SYT1: variants seen among roughly 807,000 people sequenced by gnomAD.
SYT1 encodes synaptotagmin-1.
SYT1 carries 8 observed loss-of-function variants against 44.8 expected under a neutral mutation model. The observed-to-expected ratio is 0.18, with a 90% CI of 0.10 to 0.32. SYT1 has a LOEUF of 0.32. Among genes scored for constraint, SYT1 ranks in the 10% least tolerant of loss-of-function variants. SYT1 has a pLI of 1.00. For synonymous variants in SYT1, 154 were observed against 188.8 expected, an observed-to-expected ratio of 0.82 and a Z score of 1.51; for missense variants, 286 against 509.3, an observed-to-expected ratio of 0.56 and a Z score of 4.22.
At chr12:79,345,443 T>C (rs1201809508) in intron 8 of SYT1, among the ~76,000 whole-genome samples, 2 of 152,208 alleles carry the variant, frequency 1.3e-5, no homozygotes, top group African/African-American at 2.4e-5. Flanking sequence ...GACTAGAACC[T>C]AGAAGAGTCT....
intron 4 of SYT1, among the ~76,000 whole-genome samples, chr12:79,252,810 T>G (rs1268221091): frequency 6.6e-6 from 1 of 152,210 alleles, no homozygotes; most frequent in African/African-American, 2.4e-5. Context: ...TACAGCCACC[T>G]TACACAATAA....
At chr12:78,957,566 G>C (rs1163885179) in intron 1 of SYT1, among the ~76,000 whole-genome samples, 1 of 152,104 alleles carries the variant, frequency 6.6e-6, no homozygotes, top group Non-Finnish European at 1.5e-5. Flanking sequence ...TAATTTGTCT[G>C]TGATCACACA....
At chr12:79,386,133 T>TTTTAAAA (rs1388124697) in intron 9 of SYT1, among the ~76,000 whole-genome samples, 12 of 152,210 alleles carry the variant, frequency 7.9e-5, no homozygotes, top group Non-Finnish European at 1.5e-4. Flanking sequence ...TACCCTGCTA[T>TTTTAAAA]TTTAAAATTA....
chr12:79,124,825 G>A (rs1476788033), intron 3 of SYT1, among the ~76,000 whole-genome samples: 1 of 151,944 alleles, frequency 6.6e-6, no homozygotes, highest in African/African-American at 2.4e-5. Context: ...TTATTAGTCA[G>A]ATGTCCAGTC....
intron 3 of SYT1, among the ~76,000 whole-genome samples, chr12:79,159,326 G>A (rs539047220): frequency 6.6e-6 from 1 of 152,302 alleles, no homozygotes; most frequent in African/African-American, 2.4e-5. Context: ...GACAAAGAGA[G>A]TACTGGGGAG....
At chr12:79,150,785 G>C (rs1870222839) in intron 3 of SYT1, among the ~76,000 whole-genome samples, 1 of 152,128 alleles carries the variant, frequency 6.6e-6, no homozygotes, top group African/African-American at 2.4e-5. Flanking sequence ...ATTGTATTTT[G>C]TTGTTGCCCT....
chr12:79,011,413 G>T (rs139476295), intron 2 of SYT1, among the ~76,000 whole-genome samples: 1 of 151,898 alleles, frequency 6.6e-6, no homozygotes. Flanking sequence ...TTATAGTAGG[G>T]CATTCCATCT....
chr12:79,201,814 G>T (rs982275925), intron 3 of SYT1, among the ~76,000 whole-genome samples: 5 of 151,972 alleles, frequency 3.3e-5, no homozygotes, highest in Admixed American at 3.3e-4. Context: ...TTATAATAGG[G>T]CTTTTGATAA....
chr12:78,882,530 T>C (rs540971451), intron 1 of SYT1, among the ~76,000 whole-genome samples: 15 of 151,824 alleles, frequency 9.9e-5, no homozygotes, highest in Non-Finnish European at 2.2e-4. Flanking sequence ...TATAGTAGTA[T>C]GAATAATTTG....
At chr12:79,040,741 G>GT (rs1475419901) in intron 2 of SYT1, among the ~76,000 whole-genome samples, 3 of 152,116 alleles carry the variant, frequency 2.0e-5, no homozygotes, top group Non-Finnish European at 4.4e-5. Flanking sequence ...TTCTTCTAGG[G>GT]TTTTTATGGT....
chr12:78,940,705 AT>A (rs1446917722), intron 1 of SYT1, among the ~76,000 whole-genome samples: 1 of 152,102 alleles, frequency 6.6e-6, no homozygotes, highest in African/African-American at 2.4e-5. Flanking sequence ...GTAAAATTTA[AT>A]GTGACAAAAT....
intron 2 of SYT1, among the ~76,000 whole-genome samples, chr12:79,001,912 G>T (rs1403758113): frequency 2.0e-5 from 3 of 151,820 alleles, no homozygotes; most frequent in African/African-American, 7.3e-5. Context: ...GAATTTAAAA[G>T]AAGCTAAAAA....
At chr12:79,392,744 G>C (rs928996194) in intron 9 of SYT1, 1 of 140,530 alleles carries the variant, frequency 7.1e-6, no homozygotes, top group African/African-American at 2.5e-5. Flanking sequence ...TGTCTGAAGA[G>C]GCAATCCTGA....
chr12:79,226,894 A>G (rs1875553329), intron 4 of SYT1, among the ~76,000 whole-genome samples: 1 of 152,226 alleles, frequency 6.6e-6, no homozygotes, highest in East Asian at 1.9e-4. Flanking sequence ...CCTTAAAATC[A>G]AATTCCTTTA....
chr12:79,364,818 G>A (rs192203985), intron 9 of SYT1, among the ~76,000 whole-genome samples: 2 of 152,230 alleles, frequency 1.3e-5, no homozygotes, highest in African/African-American at 4.8e-5. Context: ...TAGTGCACTT[G>A]CAGAATTACT....
chr12:79,230,432 ATTATAG>A (rs1875803562), intron 4 of SYT1, among the ~76,000 whole-genome samples: 1 of 152,092 alleles, frequency 6.6e-6, no homozygotes, highest in African/African-American at 2.4e-5. Flanking sequence ...TCTCCATTAT[ATTATAG>A]TTGACAAATT....
At chr12:79,034,051 G>A (rs1162819641) in intron 2 of SYT1, among the ~76,000 whole-genome samples, 1 of 151,398 alleles carries the variant, frequency 6.6e-6, no homozygotes, top group Non-Finnish European at 1.5e-5. Context: ...TTATCCTGAA[G>A]GCAAGCCCAC....
At chr12:79,312,515 A>G (rs1249475461) in intron 8 of SYT1, among the ~76,000 whole-genome samples, 5 of 151,996 alleles carry the variant, frequency 3.3e-5, no homozygotes, top group Non-Finnish European at 7.4e-5. Context: ...TTCCCTTTTG[A>G]TAAAAGAACA....
chr12:78,977,228 T>A (rs1012532709), intron 1 of SYT1, among the ~76,000 whole-genome samples: 10 of 152,188 alleles, frequency 6.6e-5, no homozygotes, highest in Admixed American at 1.3e-4. Context: ...ATGTGCAGTA[T>A]TTCAAAGTTC....
Sources: allele counts gnomAD v4.1 joint callset (sites outside exome capture counted in the v4.1 genomes callset), GRCh38; gene constraint gnomAD v4.1.1; transcripts MANE v1.5; gene names NCBI Gene and HGNC (gene_info 2026-07-23, HGNC 2026-07-21).